The following PLOD2 variants were observed in gnomAD, a reference collection of about 807,000 sequenced individuals.
PLOD2 encodes the protein lysine hydroxylase 2.
PLOD2 carries 65 observed loss-of-function variants against 101.0 expected under a neutral mutation model. The observed-to-expected ratio is 0.64, with a 90% CI of 0.53 to 0.79. The LOEUF (loss-of-function observed/expected upper bound fraction) is 0.79, where lower values mean the gene tolerates loss of function less well. Ranked by LOEUF, PLOD2 falls within the 30% of genes least tolerant of loss-of-function variation. PLOD2 has a pLI of 0.00. For synonymous variants in PLOD2, 314 were observed against 302.9 expected, an observed-to-expected ratio of 1.04 and a Z score of -0.38; for missense variants, 909 against 914.6, an observed-to-expected ratio of 0.99 and a Z score of 0.08.
chr3:146,097,112 G>A (rs1263046421), intron 7 of PLOD2, among the ~76,000 whole-genome samples: 1 of 147,298 alleles, frequency 6.8e-6, no homozygotes, highest in African/African-American at 2.5e-5. Context: ...CAGTCGCCCT[G>A]TCCAGGAGGG....
chr3:146,129,503 T>C (rs1441627833), intron 1 of PLOD2, among the ~76,000 whole-genome samples: 2 of 152,164 alleles, frequency 1.3e-5, no homozygotes. Context: ...GGTCAGTTAC[T>C]TAAACTCTGC....
chr3:146,122,510 G>C (rs988881214), intron 2 of PLOD2, among the ~76,000 whole-genome samples: 1 of 152,118 alleles, frequency 6.6e-6, no homozygotes, highest in Non-Finnish European at 1.5e-5. Flanking sequence ...TGGAAGCCTT[G>C]TTCAAACACA....
At position 146,071,339 on chromosome 3, in the gene PLOD2, G is replaced by C. The variant is rs1063157; in HGVS notation, c.1933C>G (p.His645Asp). 6.2e-7 allele frequency: 1 copy of C among 1,612,272 alleles called. No individual in the cohort carries two copies. Among genetic ancestry groups the C allele is most frequent in the Non-Finnish European group, 8.5e-7 (1 of 1,178,844 alleles). Residue 645 changes from histidine to aspartate, a missense_variant, in exon 18 of 20, where the codon CAT (histidine) becomes GAT (aspartate). His to Asp is a moderately conservative substitution (Grantham distance 81). Transcript: ENST00000282903. ...GGTGCAATGAACTCCCGGATAAAAT[G>C]AAGCCATACATTCTCCAGATCAACT... ...KQVDLENVWL[H>D]FIREFIAPVT... is the part of the protein sequence containing the mutation.
intron 1 of PLOD2, among the ~76,000 whole-genome samples, chr3:146,129,518 C>G (rs1000621178): frequency 3.3e-5 from 5 of 152,106 alleles, no homozygotes; most frequent in Non-Finnish European, 7.4e-5. Flanking sequence ...CTCTGCGTCT[C>G]AACTGTAATA....
intron 1 of PLOD2, among the ~76,000 whole-genome samples, chr3:146,160,072 T>C (rs1405354571): frequency 6.6e-6 from 1 of 152,164 alleles, no homozygotes; most frequent in Admixed American, 6.5e-5. Flanking sequence ...AGAAGGTCAT[T>C]TAAATGCAAG....
At chr3:146,150,975 C>T (rs1166502244) in intron 1 of PLOD2, among the ~76,000 whole-genome samples, 1 of 152,126 alleles carries the variant, frequency 6.6e-6, no homozygotes, top group Non-Finnish European at 1.5e-5. Context: ...TATTCTTGGC[C>T]TACTGTCCTG....
chr3:146,134,812 A>G (rs2031133820), intron 1 of PLOD2, among the ~76,000 whole-genome samples: 1 of 152,228 alleles, frequency 6.6e-6, no homozygotes, highest in African/African-American at 2.4e-5. Flanking sequence ...TGCTTAGGCA[A>G]GCCATGCTCT....
In PLOD2 at chr3:146,069,912, A is replaced by T. The variant is rs1462224849; in HGVS notation, c.*805T>A. ...AACTTTCTAAAAAAGGAAACAAAGC[A>T]AAAACAACAACAAAAAAAACCTGTT... On this transcript the variant is annotated 3_prime_UTR_variant, in exon 20 of 20. Transcript: ENST00000282903. 1 of 152,290 alleles carries T rather than the reference A, an allele frequency of 6.6e-6. No individual in the cohort carries two copies. The highest frequency in any genetic ancestry group is 6.6e-5 in the Admixed American group (1 of 15,192). The allele number at this position is 152,290 out of a possible 1,614,324, so 9.4% of individuals were successfully genotyped here.
intron 3 of PLOD2, among the ~76,000 whole-genome samples, chr3:146,120,561 A>G (rs2030039574): frequency 6.6e-6 from 1 of 152,218 alleles, no homozygotes. Context: ...AGGCATGGGC[A>G]AGGACTTCAT....
chr3:146,146,255 G>T (rs1231418561), intron 1 of PLOD2, among the ~76,000 whole-genome samples: 5 of 86,944 alleles, frequency 5.8e-5, no homozygotes, highest in East Asian at 8.8e-4. Flanking sequence ...GCTTCAGGAA[G>T]AACAATTACT....
At position 146,082,263 on chromosome 3, in the gene PLOD2, G is replaced by A. The variant is rs1576577851; in HGVS notation, c.1233-400C>T. ...CCAAATATTTTCATTGTCACTGGGT[G>A]AACAACAGCCCCTGGTGCATTTAAG... On this transcript the variant is annotated intron_variant, in intron 11 of 19. Transcript: ENST00000282903. Among the ~76,000 whole-genome samples the A allele has an allele frequency of 2.0e-5, 3 of 152,152 alleles. No individual in the cohort carries two copies. In the East Asian group the frequency reaches 5.8e-4, roughly 29 times the overall value.
At chr3:146,136,753 A>C (rs1173566328) in intron 1 of PLOD2, among the ~76,000 whole-genome samples, 2 of 152,208 alleles carry the variant, frequency 1.3e-5, no homozygotes, top group African/African-American at 4.8e-5. Context: ...AATATTCGGT[A>C]CAGTAACATT....
intron 1 of PLOD2, among the ~76,000 whole-genome samples, chr3:146,152,200 T>C (rs1292828362): frequency 1.3e-5 from 2 of 152,124 alleles, no homozygotes; most frequent in East Asian, 3.9e-4. Context: ...AGGTGGATCA[T>C]CTGAGGTCAG....
chr3:146,155,064 A>T lies in PLOD2; in HGVS notation c.109+5817T>A, dbSNP rs559367800. 2.6e-5 allele frequency among the ~76,000 whole-genome samples: 4 copies of T among 152,332 alleles called. No homozygotes were observed. The South Asian group carries it at 6.2e-4, about 24-fold the overall frequency. On this transcript the variant is annotated intron_variant, in intron 1 of 19. Coordinates refer to ENST00000282903, the MANE Select transcript of PLOD2 (RefSeq NM_182943.3). ...ATTATAAACTATTTTTTGAAGAGGT[A>T]TCTTTGTGACACAGTCGGGCAGTAA...
intron 7 of PLOD2, among the ~76,000 whole-genome samples, chr3:146,097,792 C>CAAT: frequency 6.0e-5 from 1 of 16,766 alleles, no homozygotes; most frequent in East Asian, 3.0e-3. Context: ...CAAGAATGAT[C>CAAT]AATAAAAAAA....
intron 10 of PLOD2, chr3:146,085,920 A>G (rs984115915): frequency 1.3e-5 from 2 of 152,248 alleles, no homozygotes; most frequent in African/African-American, 4.8e-5. Flanking sequence ...TCTCCACACC[A>G]TATTTGTTCG....
chr3:146,095,986 G>A (rs1463854575), intron 7 of PLOD2, among the ~76,000 whole-genome samples: 1 of 136,566 alleles, frequency 7.3e-6, no homozygotes, highest in African/African-American at 2.7e-5. Context: ...CAACCTCCCT[G>A]CCTGATTCTC....
intron 1 of PLOD2, among the ~76,000 whole-genome samples, chr3:146,128,221 G>A (rs969685339): frequency 6.6e-6 from 1 of 152,068 alleles, no homozygotes; most frequent in African/African-American, 2.4e-5. Flanking sequence ...ACTAAGGAAT[G>A]GTGCTTCAAT....
At position 146,070,874 on chromosome 3, in the gene PLOD2, TA is replaced by T. The variant is rs1464601877; in HGVS notation, c.2122-3del. 5 of 1,603,082 alleles carry T rather than the reference TA, an allele frequency of 3.1e-6. No individual in the cohort carries two copies. The highest frequency in any genetic ancestry group is 4.3e-6 in the Non-Finnish European group (5 of 1,171,990). ...CCTTAGAAATTTGCAACCACCTCCC[TA>T]AAAAAGTTAAAATGAAGAAATACAT... On this transcript the variant is annotated splice_polypyrimidine_tract_variant and splice_region_variant and intron_variant, in intron 19 of 19. Transcript: ENST00000282903.
Sources: allele counts gnomAD v4.1 joint callset (sites outside exome capture counted in the v4.1 genomes callset), GRCh38; gene constraint gnomAD v4.1.1; transcripts MANE v1.5; gene names NCBI Gene and HGNC (gene_info 2026-07-23, HGNC 2026-07-21).